Variants in CEP350 observed in about 807,000 individuals in gnomAD.
CEP350 encodes centrosome-associated protein 350.
A neutral mutation model predicts 331.8 loss-of-function variants in CEP350; 126 were observed. The observed-to-expected ratio is 0.38, with a 90% CI of 0.33 to 0.44. The LOEUF (loss-of-function observed/expected upper bound fraction) is 0.44. Among genes scored for constraint, CEP350 ranks in the 20% least tolerant of loss-of-function variants. The pLI is 1.00. For synonymous variants in CEP350, 1,200 were observed against 1,259.5 expected (o/e 0.95, Z 1.00); for missense variants, 3,406 against 3,634.6 (o/e 0.94, Z 1.62).
chr1:179,963,768 A>T (rs1650799483), intron 1 of CEP350, among the ~76,000 whole-genome samples: 1 of 151,946 alleles, frequency 6.6e-6, no homozygotes. Context: ...AAGTTGGGTA[A>T]TGTGATGCCT....
rs150649890 is a variant in CEP350, at chr1:180,075,474, T to G, written c.5767+253T>G. 4.5e-3 allele frequency among the ~76,000 whole-genome samples: 679 copies of G among 152,098 alleles called. 7 individuals carry two copies. The highest frequency in any genetic ancestry group is 0.016 in the African/African-American group (645 of 41,494). ...GGTGGTACATGCCTATAGTCCTAGC[T>G]ACTGAGGCAAGAGGCTTGCTTGAGA... On this transcript the variant is annotated intron_variant, in intron 28 of 37. Coordinates refer to ENST00000367607, the MANE Select transcript of CEP350 (RefSeq NM_014810.5).
At chr1:179,982,854 G>T (rs189313930) in intron 1 of CEP350, among the ~76,000 whole-genome samples, 1 of 152,160 alleles carries the variant, frequency 6.6e-6, no homozygotes, top group Non-Finnish European at 1.5e-5. Flanking sequence ...CTTGTGGCGC[G>T]ATCTTGGCTC....
chr1:179,978,065 G>A (rs1652006891), intron 1 of CEP350, among the ~76,000 whole-genome samples: 1 of 151,806 alleles, frequency 6.6e-6, no homozygotes, highest in African/African-American at 2.4e-5. Context: ...AATCCTAGGC[G>A]ATAGAAATTT....
chr1:180,019,412 A>G (rs1309288478), intron 11 of CEP350, among the ~76,000 whole-genome samples: 1 of 152,220 alleles, frequency 6.6e-6, no homozygotes, highest in Non-Finnish European at 1.5e-5. Context: ...AAGTATTAAT[A>G]GGTTATAATA....
intron 16 of CEP350, among the ~76,000 whole-genome samples, chr1:180,035,734 T>G (rs1473957489): frequency 6.6e-6 from 1 of 152,194 alleles, no homozygotes; most frequent in African/African-American, 2.4e-5. Context: ...TATTCCTGCT[T>G]ATTGACAATG....
intron 37 of CEP350, among the ~76,000 whole-genome samples, chr1:180,101,580 A>G (rs890386607): frequency 1.3e-5 from 2 of 152,180 alleles, no homozygotes; most frequent in African/African-American, 4.8e-5. Flanking sequence ...AGTGGACACC[A>G]GCTGGGTATC....
At chr1:180,056,455 CT>C in intron 25 of CEP350, among the ~76,000 whole-genome samples, 1 of 120,438 alleles carries the variant, frequency 8.3e-6, no homozygotes, top group East Asian at 2.4e-4. Flanking sequence ...TCATGTATTG[CT>C]TCTGCCCCTC....
intron 25 of CEP350, among the ~76,000 whole-genome samples, chr1:180,056,080 T>TA (rs1657822686): frequency 2.0e-5 from 3 of 152,200 alleles, no homozygotes; most frequent in Admixed American, 2.0e-4. Context: ...TTCATTTTGA[T>TA]ACATCTGGTA....
intron 32 of CEP350, among the ~76,000 whole-genome samples, chr1:180,090,317 C>T (rs928277922): frequency 3.3e-5 from 5 of 151,694 alleles, no homozygotes; most frequent in Admixed American, 6.6e-5. Context: ...GAGGCAGAGG[C>T]GGGCGGATCA....
intron 14 of CEP350, among the ~76,000 whole-genome samples, chr1:180,030,343 A>ATG (rs200903915): frequency 0.085 from 12,155 of 142,666 alleles, 662 homozygotes; most frequent in Non-Finnish European, 0.12. Context: ...GTGTATATAT[A>ATG]AACATAATAT....
intron 31 of CEP350, among the ~76,000 whole-genome samples, chr1:180,085,224 A>G (rs966410409): frequency 6.6e-6 from 1 of 151,830 alleles, no homozygotes; most frequent in African/African-American, 2.4e-5. Context: ...ATAGCTTCTA[A>G]TTGATAACTC....
intron 4 of CEP350, among the ~76,000 whole-genome samples, chr1:179,991,794 T>C (rs938187859): frequency 1.3e-5 from 2 of 150,610 alleles, no homozygotes; most frequent in African/African-American, 2.4e-5. Flanking sequence ...GTGAGAGCCA[T>C]GACAAAAAAT....
intron 1 of CEP350, among the ~76,000 whole-genome samples, chr1:179,964,224 C>A (rs1484428808): frequency 1.3e-5 from 2 of 152,048 alleles, no homozygotes; most frequent in Non-Finnish European, 2.9e-5. Flanking sequence ...TTTTGAAGGA[C>A]TCCTTAGGGT....
intron 27 of CEP350, among the ~76,000 whole-genome samples, chr1:180,066,798 TA>T (rs1658570741): frequency 6.6e-6 from 1 of 152,232 alleles, no homozygotes; most frequent in South Asian, 2.1e-4. Flanking sequence ...CAGTAGCCTA[TA>T]TGGGCGTACT....
rs1462694430 is a variant in CEP350, at chr1:180,044,139, T to G, written c.4588T>G (p.Ser1530Ala). The stretch of plus-strand genomic sequence containing the variant: ...GTATTCTGCTTCATATGATAGTTAT[T>G]CTGAGTCTTCAGGATACAAGAATCA... The part of the protein sequence containing the change: ...QKYSASYDSY[S>A]ESSGYKNHDR... The change falls in exon 21 of 38, where the codon TCT becomes GCT. Residue 1530 changes from serine to alanine, a missense_variant. Around this residue, in one of 5 missense-constraint regions of CEP350, gnomAD observed 1,857 missense variants for 1,909.2 expected, o/e 0.97. Transcript: ENST00000367607. The G allele has an allele frequency of 3.8e-6, 6 of 1,568,108 alleles. No homozygotes were observed. The highest frequency in any genetic ancestry group is 5.2e-6 in the Non-Finnish European group (6 of 1,154,656).
At chr1:179,981,426 G>A (rs1309098327) in intron 1 of CEP350, among the ~76,000 whole-genome samples, 1 of 152,212 alleles carries the variant, frequency 6.6e-6, no homozygotes, top group South Asian at 2.1e-4. Context: ...TTGGGAAAAA[G>A]GCCTTATGCA....
intron 22 of CEP350, among the ~76,000 whole-genome samples, chr1:180,052,510 G>A (rs1657575893): frequency 6.6e-6 from 1 of 152,128 alleles, no homozygotes; most frequent in Non-Finnish European, 1.5e-5. Flanking sequence ...CATGGCAAAG[G>A]CACACAGGAA....
At chr1:180,072,648 G>A (rs1658968691) in intron 27 of CEP350, among the ~76,000 whole-genome samples, 2 of 152,118 alleles carry the variant, frequency 1.3e-5, no homozygotes, top group African/African-American at 4.8e-5. Context: ...GTGTGTTTTT[G>A]CGTGTGTGTA....
Position 180,065,347 on chromosome 1 carries a change from T to A in CEP350, c.5567+75T>A, listed in dbSNP as rs1658487819. 4.4e-6 allele frequency: 6 copies of A among 1,370,210 alleles called. No homozygotes were observed. The South Asian group carries it at 9.1e-5, about 21-fold the overall frequency. 84.9% of individuals were successfully genotyped at this position (1,370,210 alleles called of 1,614,324 possible). ...CAACAAATAACATTTGTAATAATAC[T>A]TCACTAGATTAGATTGAGACAAAAT... On this transcript the variant is annotated intron_variant, in intron 27 of 37. Coordinates refer to ENST00000367607, the MANE Select transcript of CEP350 (RefSeq NM_014810.5).
Sources: allele counts gnomAD v4.1 joint callset (sites outside exome capture counted in the v4.1 genomes callset), GRCh38; gene constraint gnomAD v4.1.1; regional missense constraint gnomAD v4.1.1; transcripts MANE v1.5; gene names NCBI Gene and HGNC (gene_info 2026-07-23, HGNC 2026-07-21).